The following HMGA2 variants were observed in gnomAD, a reference collection of about 807,000 sequenced individuals.
HMGA2 encodes the protein high mobility group AT-hook 2.
Under a neutral mutation model 19.1 loss-of-function variants are expected in HMGA2, and 8 were observed. The ratio of observed to expected loss-of-function variants is 0.42; its 90% confidence interval spans 0.25 to 0.76. The LOEUF (loss-of-function observed/expected upper bound fraction) is 0.76, where lower values mean the gene tolerates loss of function less well. HMGA2 is among the 30% of genes least tolerant of loss of function. HMGA2 has a pLI of 0.28. For missense variants in HMGA2, 109 were observed against 136.3 expected (o/e 0.80, Z 1.00); for synonymous variants, 60 against 48.8 (o/e 1.23, Z -0.96).
At chr12:65,827,960 C>T (rs767864670) in intron 1 of HMGA2, 41 bp from the exon 2 acceptor site, 40 of 1,379,236 alleles carry the variant, frequency 2.9e-5, no homozygotes, top group Non-Finnish European at 4.1e-5. Context: ...TTCTTTCAGA[C>T]ATTCTTGCCA....
chr12:65,933,552 T>G (rs972043563), intron 3 of HMGA2, among the ~76,000 whole-genome samples: 9 of 151,908 alleles, frequency 5.9e-5, no homozygotes, highest in Non-Finnish European at 1.2e-4. Context: ...GAATGATGCA[T>G]TCAGTGAATG....
In HMGA2 at chr12:65,927,848, T is replaced by TGTGTGC. The variant is rs1433374570; in HGVS notation, c.250-23531_250-23530insGCGTGT. On this transcript the variant is annotated intron_variant, in intron 3 of 4. Coordinates refer to ENST00000403681, the MANE Select transcript of HMGA2 (RefSeq NM_003483.6). ...CTTTGTATCTGTGTGTGTGTGTGTG[T>TGTGTGC]GTGTATATATATTTTTTATATATGT... 2.0e-5 allele frequency among the ~76,000 whole-genome samples: 3 copies of TGTGTGC among 150,130 alleles called. No homozygotes were observed. In the Admixed American group the frequency reaches 2.0e-4, roughly 10 times the overall value.
Position 65,825,060 on chromosome 12 carries a change from C to A in HMGA2, c.-211C>A. 1 of 481,372 alleles carries A rather than the reference C, an allele frequency of 2.1e-6. No homozygotes were observed. Among genetic ancestry groups the A allele is most frequent in the Non-Finnish European group, 3.7e-6 (1 of 272,818 alleles). The allele number at this position is 481,372 out of a possible 1,614,324, so 29.8% of individuals were successfully genotyped here. ...GCCTCCTCCTCTCCTCCTCCTCCTC[C>A]CCTCTTCTCTTTTTGGCAGCCGCTG... On this transcript the variant is annotated 5_prime_UTR_variant, in exon 1 of 5. Coordinates refer to ENST00000403681, the MANE Select transcript of HMGA2 (RefSeq NM_003483.6). The surrounding 1 kb of genome is among the most constrained non-coding windows in gnomAD (Gnocchi z 4.4).
chr12:65,873,442 G>A (rs1872809623), intron 3 of HMGA2, among the ~76,000 whole-genome samples: 2 of 151,948 alleles, frequency 1.3e-5, no homozygotes, highest in African/African-American at 4.8e-5. Flanking sequence ...GCTATAGATA[G>A]TCATTCATGA....
At chr12:65,920,999 C>G (rs950652461) in intron 3 of HMGA2, among the ~76,000 whole-genome samples, 1 of 152,132 alleles carries the variant, frequency 6.6e-6, no homozygotes, top group Non-Finnish European at 1.5e-5. Context: ...TAGCTTTGCC[C>G]AAAGTGCTGA....
At chr12:65,881,879 G>T (rs1873420924) in intron 3 of HMGA2, 1 of 702,692 alleles carries the variant, frequency 1.4e-6, no homozygotes, top group Non-Finnish European at 2.6e-6. Context: ...GAGGTGGCCC[G>T]AGAGAGCCCC....
intron 3 of HMGA2, chr12:65,867,872 G>A (rs1035747160): frequency 6.2e-6 from 1 of 161,496 alleles, no homozygotes; most frequent in African/African-American, 2.4e-5. Context: ...TGGGCTCTCT[G>A]TAACAGTATT....
intron 3 of HMGA2, among the ~76,000 whole-genome samples, chr12:65,904,584 G>T (rs1271374358): frequency 6.6e-6 from 1 of 152,062 alleles, no homozygotes; most frequent in African/African-American, 2.4e-5. Context: ...ATGCACAACT[G>T]GTTGATTTGA....
intron 3 of HMGA2, among the ~76,000 whole-genome samples, chr12:65,884,803 G>C (rs1334718166): frequency 2.0e-5 from 3 of 151,932 alleles, no homozygotes; most frequent in Non-Finnish European, 4.4e-5. Context: ...AATCTATCTG[G>C]GCCTTAGTTG....
intron 3 of HMGA2, chr12:65,881,614 C>A: frequency 1.6e-6 from 1 of 643,258 alleles, no homozygotes; most frequent in Non-Finnish European, 2.8e-6. Context: ...GTCCTGGACC[C>A]AGAGGGAGCG....
chr12:65,848,405 T>C (rs1017701295), intron 3 of HMGA2, among the ~76,000 whole-genome samples: 7 of 152,226 alleles, frequency 4.6e-5, no homozygotes, highest in African/African-American at 1.7e-4. Flanking sequence ...ACTCTATTTG[T>C]TTCTTTCAAG....
intron 3 of HMGA2, among the ~76,000 whole-genome samples, chr12:65,919,578 T>C (rs993639655): frequency 2.0e-5 from 3 of 152,220 alleles, no homozygotes; most frequent in Non-Finnish European, 2.9e-5. Flanking sequence ...CCAATAATTC[T>C]TAAACATTTA....
intron 3 of HMGA2, among the ~76,000 whole-genome samples, chr12:65,892,112 A>T (rs113968293): frequency 5.7e-4 from 87 of 152,332 alleles, no homozygotes; most frequent in African/African-American, 1.7e-3. Context: ...GCTGGAGGAC[A>T]GAGGCTGCTG....
chr12:65,885,539 T>G lies in HMGA2; in HGVS notation c.249+46970T>G, dbSNP rs1336806110. Among the ~76,000 whole-genome samples the G allele has an allele frequency of 9.2e-5, 14 of 152,238 alleles. 1 individual carries two copies. The highest frequency in any genetic ancestry group is 3.9e-4 in the Admixed American group (6 of 15,288). Reference sequence around the variant, plus strand: ...TTTGCCACATGAGCCAATGTGTGTCTCATTTGCTTATTTTCTTGTGCACTA... The same window carrying G: ...TTTGCCACATGAGCCAATGTGTGTCGCATTTGCTTATTTTCTTGTGCACTA... On this transcript the variant is annotated intron_variant, in intron 3 of 4. Transcript: ENST00000403681.
chr12:65,828,248 T>C lies in HMGA2; in HGVS notation c.198+161T>C, dbSNP rs574588253. 8.8e-5 allele frequency: 58 copies of C among 655,526 alleles called. No individual in the cohort carries two copies. The South Asian group carries it at 9.5e-4, about 11-fold the overall frequency. 40.6% of individuals were successfully genotyped at this position (655,526 alleles called of 1,614,324 possible). A position where few individuals can be genotyped will look rare whatever the true frequency, so the allele number is the denominator to read the frequency against. On this transcript the variant is annotated intron_variant, in intron 2 of 4. Coordinates refer to ENST00000403681, the MANE Select transcript of HMGA2 (RefSeq NM_003483.6). ...AACATTAGTTAGATGCGAGTTAACC[T>C]TTTTTGTAAGCAGATGCTCAGCATA... is the stretch of plus-strand genomic sequence containing the variant.
intron 1 of HMGA2, chr12:65,827,125 C>G (rs1870248173): frequency 6.6e-6 from 1 of 152,196 alleles, no homozygotes; most frequent in Non-Finnish European, 1.5e-5. Context: ...TGAGTATTTA[C>G]TACTTGGCAT....
intron 3 of HMGA2, among the ~76,000 whole-genome samples, chr12:65,889,742 A>G (rs140021315): frequency 1.9e-3 from 289 of 152,336 alleles, no homozygotes; most frequent in African/African-American, 6.8e-3. Flanking sequence ...TCAGTGCGGT[A>G]GACTCTGTTA....
At chr12:65,956,511 A>G (rs1411885161) in intron 4 of HMGA2, 1 of 152,234 alleles carries the variant, frequency 6.6e-6, no homozygotes, top group Non-Finnish European at 1.5e-5. Context: ...CTGTAAACAG[A>G]TGAAGTAATT....
At chr12:65,922,300 G>A (rs1296994043) in intron 3 of HMGA2, among the ~76,000 whole-genome samples, 1 of 152,198 alleles carries the variant, frequency 6.6e-6, no homozygotes, top group African/African-American at 2.4e-5. Flanking sequence ...ACCCAGCAAA[G>A]CCACAGGGGC....
Sources: allele counts gnomAD v4.1 joint callset (sites outside exome capture counted in the v4.1 genomes callset), GRCh38; gene constraint gnomAD v4.1.1; non-coding constraint Gnocchi (gnomAD v3.1); transcripts MANE v1.5; gene names NCBI Gene and HGNC (gene_info 2026-07-23, HGNC 2026-07-21).